Variants in SP3 observed in about 807,000 individuals in gnomAD.
SP3 encodes the protein Sp3 transcription factor.
Under a neutral mutation model 70.3 loss-of-function variants are expected in SP3, and 10 were observed. The observed-to-expected ratio is 0.14, with a 90% CI of 0.09 to 0.24. SP3 has a LOEUF of 0.24. Among genes scored for constraint, SP3 ranks in the 10% least tolerant of loss-of-function variants. The pLI is 1.00. For missense variants in SP3, 825 were observed against 914.6 expected, an observed-to-expected ratio of 0.90 and a Z score of 1.26; for synonymous variants, 402 against 333.5, an observed-to-expected ratio of 1.21 and a Z score of -2.24.
At chr2:173,943,304 A>G (rs1178889328) in intron 4 of SP3, among the ~76,000 whole-genome samples, 1 of 152,130 alleles carries the variant, frequency 6.6e-6, no homozygotes, top group Non-Finnish European at 1.5e-5. Context: ...CATTCATGAA[A>G]TTCCAGCCAC....
At chr2:173,928,679 T>A (rs145154111) in intron 4 of SP3, among the ~76,000 whole-genome samples, 6 of 152,184 alleles carry the variant, frequency 3.9e-5, no homozygotes, top group Non-Finnish European at 7.4e-5. Flanking sequence ...ACAAGCTTCA[T>A]TGTTTTCTAT....
chr2:173,908,281 C>G lies in SP3; in HGVS notation c.*1660G>C, dbSNP rs950877785. ...TGGTACTGATAAAACTGATATGAAT[C>G]AATGTGGGCTAAGGGCTAAGACTTT... is the stretch of plus-strand genomic sequence containing the variant. On this transcript the variant is annotated 3_prime_UTR_variant, in exon 7 of 7. Transcript: ENST00000310015. 8 of 152,010 alleles carry G rather than the reference C, an allele frequency of 5.3e-5. No homozygotes were observed. The highest frequency in any genetic ancestry group is 1.9e-4 in the African/African-American group (8 of 41,406). The allele number at this position is 152,010 out of a possible 1,614,324, so 9.4% of individuals were successfully genotyped here. A position where few individuals can be genotyped will look rare whatever the true frequency, so the allele number is the denominator to read the frequency against.
chr2:173,942,736 T>G (rs185883654), intron 4 of SP3, among the ~76,000 whole-genome samples: 5 of 152,234 alleles, frequency 3.3e-5, no homozygotes, highest in Admixed American at 2.6e-4. Context: ...AATTCCCACT[T>G]TACTCCACCC....
At chr2:173,918,880 T>C (rs749773909) in intron 4 of SP3, 95 bp from the exon 5 acceptor site, 39 of 1,018,196 alleles carry the variant, frequency 3.8e-5, no homozygotes, top group African/African-American at 6.5e-5. Flanking sequence ...TGTTACAACT[T>C]TGCATGCACT....
intron 4 of SP3, 29 bp downstream of exon 4, chr2:173,954,844 T>C (rs1016128152): frequency 1.3e-6 from 2 of 1,595,270 alleles, no homozygotes; most frequent in Non-Finnish European, 1.7e-6. Flanking sequence ...ACTGAACTTA[T>C]TTATGGCATG....
chr2:173,962,512 G>T (rs931784380), intron 3 of SP3, among the ~76,000 whole-genome samples: 1 of 152,102 alleles, frequency 6.6e-6, no homozygotes, highest in Non-Finnish European at 1.5e-5. Flanking sequence ...AAATAACAAA[G>T]CCTAATATAA....
Position 173,964,368 on chromosome 2 carries a change from G to C in SP3, c.156+37C>G, listed in dbSNP as rs776638825. On this transcript the variant is annotated intron_variant, in intron 2 of 6. Transcript: ENST00000310015. ...AGGCGAGGGGAGGAGAAAGCGGCGCGAGGGGGGAGCCGGGCCGGGGTTCAG... is the reference window on the plus strand; with the variant it reads ...AGGCGAGGGGAGGAGAAAGCGGCGCCAGGGGGGAGCCGGGCCGGGGTTCAG... 22 of 670,738 alleles carry C rather than the reference G, an allele frequency of 3.3e-5. No homozygotes were observed. In the East Asian group the frequency reaches 6.3e-4, roughly 19 times the overall value. 41.5% of individuals were successfully genotyped at this position (670,738 alleles called of 1,614,324 possible).
intron 2 of SP3, 38 bp downstream of exon 2, chr2:173,964,367 C>A: frequency 1.5e-6 from 1 of 656,556 alleles, no homozygotes; most frequent in East Asian, 3.1e-5. Flanking sequence ...GAAAGCGGCG[C>A]GAGGGGGGAG....
At chr2:173,938,430 G>A (rs892437065) in intron 4 of SP3, among the ~76,000 whole-genome samples, 8 of 136,754 alleles carry the variant, frequency 5.8e-5, no homozygotes, top group South Asian at 2.3e-4. Context: ...TTGTGCTCCC[G>A]TCTGGGCAAC....
rs752030858 is a variant in SP3, at chr2:173,964,461, G to C, written c.100C>G (p.Leu34Val). Residue 34 changes from leucine to valine, a missense_variant, in exon 2 of 7, where the codon CTG becomes GTG. Physicochemically the swap from Leu to Val is conservative, Grantham distance 32. Transcript: ENST00000310015. Reference protein sequence around the residue: ...GGGGGGHGEYLQQQQQHGNGA... With the variant: ...GGGGGGHGEYVQQQQQHGNGA... ...TTTCCGTGCTGTTGCTGCTGCTGCA[G>C]ATACTCGCCGTGGCCGCCGCCGCCG... The C allele has an allele frequency of 1.4e-6, 1 of 720,090 alleles. No individual in the cohort carries two copies. Among genetic ancestry groups the C allele is most frequent in the Admixed American group, 1.9e-5 (1 of 52,036 alleles). 44.6% of individuals were successfully genotyped at this position (720,090 alleles called of 1,614,324 possible). A position where few individuals can be genotyped will look rare whatever the true frequency, so the allele number is the denominator to read the frequency against.
Position 173,931,622 on chromosome 2 carries a change from G to A in SP3, c.1640-12837C>T, listed in dbSNP as rs182307591. 3.0e-3 allele frequency among the ~76,000 whole-genome samples: 464 copies of A among 152,250 alleles called. 4 individuals are homozygous for A. Among genetic ancestry groups the A allele is most frequent in the African/African-American group, 0.01 (430 of 41,536 alleles). On this transcript the variant is annotated intron_variant, in intron 4 of 6. Transcript: ENST00000310015. Reference sequence around the variant, plus strand: ...CTCCCAAAGTGCTGGGGTTACAGGTGTGAGCCACCACGCCCAGCCGGAAAA... The same window carrying A: ...CTCCCAAAGTGCTGGGGTTACAGGTATGAGCCACCACGCCCAGCCGGAAAA...
At chr2:173,951,546 C>T (rs547355831) in intron 4 of SP3, among the ~76,000 whole-genome samples, 5 of 152,270 alleles carry the variant, frequency 3.3e-5, no homozygotes, top group African/African-American at 1.2e-4. Context: ...TAAAAGAAGA[C>T]ATTTAAAGTC....
At chr2:173,911,265 AC>A (rs1160087001) in intron 6 of SP3, among the ~76,000 whole-genome samples, 11 of 141,686 alleles carry the variant, frequency 7.8e-5, no homozygotes, top group African/African-American at 3.5e-4. Flanking sequence ...AGATGACGTA[AC>A]AGTTTAGATG....
chr2:173,955,589 T>C lies in SP3; in HGVS notation c.923A>G (p.Asn308Ser). 6.2e-7 allele frequency: 1 copy of C among 1,614,092 alleles called. No homozygotes were observed. The highest frequency in any genetic ancestry group is 8.5e-7 in the Non-Finnish European group (1 of 1,180,038). Residue 308 changes from asparagine (N) to serine (S), a missense_variant, in exon 4 of 7, where the codon AAT becomes AGT. By Grantham distance (46) the Asn-to-Ser change is conservative (BLOSUM62 1). This residue lies in a region of SP3 where 678 missense variants were observed against 651.6 expected (regional missense o/e 1.04). Transcript: ENST00000310015. ...NTGQAMDSSD[N>S]SERTGERVSP... ...AACCCGCTCACCAGTCCTTTCTGAA[T>C]TGTCTGAACTATCCATAGCTTGTCC...
At chr2:173,913,385 A>T in intron 5 of SP3, 119 bp from the exon 6 acceptor site, 8 of 721,498 alleles carry the variant, frequency 1.1e-5, no homozygotes, top group Non-Finnish European at 1.4e-5. Context: ...TTACAAAGTC[A>T]ATCAGAAACC....
At chr2:173,963,654 G>C (rs1285392081) in intron 3 of SP3, 107 bp downstream of exon 3, 1 of 246,550 alleles carries the variant, frequency 4.1e-6, no homozygotes, top group Middle Eastern at 2.1e-3. Flanking sequence ...GGCCCGTGCG[G>C]GTCGGGGGAA....
chr2:173,932,807 A>C (rs1690102617), intron 4 of SP3, among the ~76,000 whole-genome samples: 1 of 152,114 alleles, frequency 6.6e-6, no homozygotes, highest in African/African-American at 2.4e-5. Context: ...CCTGGCTGAC[A>C]CGGTGAAACC....
chr2:173,918,306 T>C (rs1444836863), intron 5 of SP3, among the ~76,000 whole-genome samples: 1 of 152,178 alleles, frequency 6.6e-6, no homozygotes, highest in Non-Finnish European at 1.5e-5. Context: ...GCAAATTCCA[T>C]TGCTGGTTTG....
At position 173,958,685 on chromosome 2, in the gene SP3, C is replaced by A. The variant is rs146232312; in HGVS notation, c.280-2453G>T. On this transcript the variant is annotated intron_variant, in intron 3 of 6. Transcript: ENST00000310015. ...CAGTTTTAAAAAAATTTGCTGAATA[C>A]CCTATTTTCTAAATGGAATGGAAAA... Among the ~76,000 whole-genome samples the A allele has an allele frequency of 3.7e-3, 562 of 150,490 alleles. 1 individual carries two copies. The highest frequency in any genetic ancestry group is 6.9e-3 in the Middle Eastern group (2 of 288).
Sources: gnomAD v4.1 joint callset for allele counts (sites outside exome capture counted in the v4.1 genomes callset) on GRCh38, gnomAD v4.1.1 for gene constraint, gnomAD v4.1.1 regional missense constraint, MANE v1.5 for transcripts, NCBI Gene and HGNC (gene_info 2026-07-23, HGNC 2026-07-21) for gene names.